Variants in DOP1B observed in about 807,000 individuals in gnomAD.
DOP1B encodes DOP1 leucine zipper like protein B, also known as protein DOP1B.
In DOP1B, 174 loss-of-function variants were observed where a neutral mutation model predicts 233.5. The observed-to-expected ratio is 0.75, with a 90% CI of 0.66 to 0.85. The LOEUF (loss-of-function observed/expected upper bound fraction) is 0.85. Among genes scored for constraint, DOP1B ranks in the 40% least tolerant of loss-of-function variants. The pLI is 0.00. For synonymous variants in DOP1B, 1,190 were observed against 1,185.6 expected, an observed-to-expected ratio of 1.00 and a Z score of -0.08; for missense variants, 2,652 against 2,846.6, an observed-to-expected ratio of 0.93 and a Z score of 1.56.
intron 24 of DOP1B, 78 bp downstream of exon 24, chr21:36,260,810 G>A (rs1448798546): frequency 6.3e-7 from 1 of 1,584,914 alleles, no homozygotes; most frequent in African/African-American, 1.4e-5. Flanking sequence ...TAAATATCTG[G>A]TTTTATTTCT....
chr21:36,230,963 G>A lies in DOP1B; in HGVS notation c.2179G>A (p.Gly727Arg), dbSNP rs768468115. The change falls in exon 14 of 37, where the codon GGG becomes AGG. Residue 727 changes from glycine (G) to arginine (R), a missense_variant. Around this residue, in one of 3 missense-constraint regions of DOP1B, gnomAD observed 2,617 missense variants for 2,794.3 expected, o/e 0.94. Transcript: ENST00000691173. ...SSPSSPARKN[G>R]GEWDVEKVVI... ...GCCCAGCAGCCCTGCCAGGAAAAACGGGGGAGAATGGGATGTTGAGAAGGT... is the reference window on the plus strand; with the variant it reads ...GCCCAGCAGCCCTGCCAGGAAAAACAGGGGAGAATGGGATGTTGAGAAGGT... 4.4e-5 allele frequency: 71 copies of A among 1,613,998 alleles called. No homozygotes were observed. The highest frequency in any genetic ancestry group is 5.8e-5 in the Non-Finnish European group (69 of 1,180,018).
intron 2 of DOP1B, among the ~76,000 whole-genome samples, chr21:36,192,784 T>G (rs868603939): frequency 9.9e-5 from 15 of 151,704 alleles, no homozygotes; most frequent in Admixed American, 2.6e-4. Flanking sequence ...ACCTCCTGGG[T>G]TCACACCATT....
chr21:36,281,760 T>C, intron 32 of DOP1B, 149 bp downstream of exon 32: 1 of 676,574 alleles, frequency 1.5e-6, no homozygotes, highest in Middle Eastern at 4.3e-4. Flanking sequence ...GCCTTCTTGC[T>C]GCAACATCCT....
At chr21:36,182,208 A>G (rs1169335216) in intron 2 of DOP1B, among the ~76,000 whole-genome samples, 1 of 152,058 alleles carries the variant, frequency 6.6e-6, no homozygotes, top group Non-Finnish European at 1.5e-5. Context: ...CAGACTCACC[A>G]TTTCTGAGAT....
chr21:36,238,590 T>G lies in DOP1B; in HGVS notation c.2776-11T>G, dbSNP rs1205221454. On this transcript the variant is annotated splice_polypyrimidine_tract_variant and intron_variant, in intron 16 of 36. Transcript: ENST00000691173. ...ACCAAGTTCCTCACTCCCATGTATC[T>G]CCTCATCAAGGGAACAAGGCTGGAA... The G allele has an allele frequency of 1.9e-6, 3 of 1,613,284 alleles. No individual in the cohort carries two copies. The highest frequency in any genetic ancestry group is 2.5e-6 in the Non-Finnish European group (3 of 1,179,172).
intron 20 of DOP1B, among the ~76,000 whole-genome samples, 195 bp downstream of exon 20, chr21:36,247,823 A>T (rs984675018): frequency 1.6e-4 from 25 of 152,282 alleles, no homozygotes; most frequent in African/African-American, 5.8e-4. Flanking sequence ...TTAGCAATGC[A>T]AGTGCCTACG....
At chr21:36,291,333 G>C (rs2067556020) in intron 35 of DOP1B, among the ~76,000 whole-genome samples, 1 of 152,064 alleles carries the variant, frequency 6.6e-6, no homozygotes, top group Admixed American at 6.6e-5. Flanking sequence ...GGCTGAGGCA[G>C]GTGGATCACG....
rs2067585699 is a variant in DOP1B, at chr21:36,293,820, TA to T, written c.*254del. The T allele has an allele frequency of 5.2e-6, 2 of 382,262 alleles. No homozygotes were observed. Among genetic ancestry groups the T allele is most frequent in the South Asian group, 5.6e-5 (2 of 35,464 alleles). The allele number at this position is 382,262 out of a possible 1,614,324, so 23.7% of individuals were successfully genotyped here. ...CAACATGGTGAGACCCTGTCTCTAC[TA>T]AAAATACAAAAATTAGCTGGGTGTG... On this transcript the variant is annotated 3_prime_UTR_variant, in exon 37 of 37. Transcript: ENST00000691173.
intron 18 of DOP1B, among the ~76,000 whole-genome samples, chr21:36,243,395 T>C (rs1601442244): frequency 6.6e-6 from 1 of 150,974 alleles, no homozygotes; most frequent in African/African-American, 2.4e-5. Flanking sequence ...AAATAGGCAG[T>C]GGTCAGTGGC....
intron 9 of DOP1B, among the ~76,000 whole-genome samples, chr21:36,217,722 C>G (rs916635510): frequency 6.6e-6 from 1 of 152,240 alleles, no homozygotes; most frequent in African/African-American, 2.4e-5. Flanking sequence ...TGCCCGCTCC[C>G]ACCTTAAACC....
intron 26 of DOP1B, among the ~76,000 whole-genome samples, chr21:36,268,347 G>A (rs2123654128): frequency 6.6e-6 from 1 of 152,228 alleles, no homozygotes; most frequent in Non-Finnish European, 1.5e-5. Flanking sequence ...AGAAAAATAT[G>A]GCTCTTTTTT....
intron 4 of DOP1B, among the ~76,000 whole-genome samples, chr21:36,201,232 G>C (rs2066361508): frequency 6.6e-6 from 1 of 152,044 alleles, no homozygotes; most frequent in African/African-American, 2.4e-5. Context: ...GAATTCCTCT[G>C]CTCCAGGAGT....
intron 4 of DOP1B, 62 bp from the exon 5 acceptor site, chr21:36,208,653 G>A: frequency 6.5e-7 from 1 of 1,539,194 alleles, no homozygotes; most frequent in Non-Finnish European, 8.8e-7. Flanking sequence ...TCGCAGAGCA[G>A]TGTGCAGTGG....
intron 23 of DOP1B, among the ~76,000 whole-genome samples, chr21:36,258,141 G>A (rs1248328546): frequency 6.6e-6 from 1 of 152,142 alleles, no homozygotes; most frequent in Non-Finnish European, 1.5e-5. Flanking sequence ...GTTAAAGGGT[G>A]GCTCACTCCT....
At chr21:36,193,042 C>G (rs1466881174) in intron 2 of DOP1B, among the ~76,000 whole-genome samples, 1 of 152,136 alleles carries the variant, frequency 6.6e-6, no homozygotes, top group African/African-American at 2.4e-5. Context: ...AAGAAAGAAG[C>G]TTTCCTAAGT....
intron 24 of DOP1B, among the ~76,000 whole-genome samples, chr21:36,262,767 G>A (rs1009934534): frequency 1.3e-5 from 2 of 151,886 alleles, no homozygotes; most frequent in Admixed American, 6.6e-5. Context: ...GTTGGCCCGC[G>A]CCTATACTCC....
rs1375636079 is a variant in DOP1B, at chr21:36,263,577, T to G, written c.5347T>G (p.Ser1783Ala). ...LPVPALQENFSSLLGVLKESV... is the reference protein window; with the variant it reads ...LPVPALQENFASLLGVLKESV... Reference sequence around the variant, plus strand: ...AGTACCAGCCTTGCAAGAGAACTTTTCTTCACTGTTGGGAGTATTGAAAGA... The same window carrying G: ...AGTACCAGCCTTGCAAGAGAACTTTGCTTCACTGTTGGGAGTATTGAAAGA... The change falls in exon 25 of 37, where the codon TCT becomes GCT. Residue 1783 changes from serine (S) to alanine (A), a missense_variant. This residue lies in a region of DOP1B where 2,617 missense variants were observed against 2,794.3 expected (regional missense o/e 0.94). Transcript: ENST00000691173. 2 of 1,614,218 alleles carry G rather than the reference T, an allele frequency of 1.2e-6. No homozygotes were observed. The highest frequency in any genetic ancestry group is 1.7e-6 in the Non-Finnish European group (2 of 1,180,048).
At chr21:36,280,438 C>T in intron 31 of DOP1B, 92 bp downstream of exon 31, 3 of 873,408 alleles carry the variant, frequency 3.4e-6, no homozygotes, top group Admixed American at 2.2e-5. Context: ...ACCCTACTCA[C>T]ACTTTCATGG....
At chr21:36,192,651 T>G (rs986227478) in intron 2 of DOP1B, among the ~76,000 whole-genome samples, 1 of 151,778 alleles carries the variant, frequency 6.6e-6, no homozygotes, top group Admixed American at 6.6e-5. Context: ...CTCAGAGTGC[T>G]GGGATTACAG....
Sources: gnomAD v4.1 joint callset for allele counts (sites outside exome capture counted in the v4.1 genomes callset) on GRCh38, gnomAD v4.1.1 for gene constraint, gnomAD v4.1.1 regional missense constraint, MANE v1.5 for transcripts, NCBI Gene and HGNC (gene_info 2026-07-23, HGNC 2026-07-21) for gene names.